The following COL27A1 variants were observed in gnomAD, a reference collection of about 807,000 sequenced individuals.
COL27A1 encodes collagen alpha-1(XXVII) chain.
COL27A1 carries 106 observed loss-of-function variants against 251.3 expected under a neutral mutation model. The observed-to-expected ratio is 0.42, with a 90% CI of 0.36 to 0.50. The LOEUF is 0.50. Among genes scored for constraint, COL27A1 ranks in the 20% least tolerant of loss-of-function variants. The pLI is 0.00. For synonymous variants in COL27A1, 1,000 were observed against 986.3 expected (o/e 1.01, Z -0.26); for missense variants, 2,325 against 2,522.8 (o/e 0.92, Z 1.68).
At chr9:114,154,820 T>C (rs146299631), upstream of COL27A1, among the ~76,000 whole-genome samples, 1,689 of 152,222 alleles carry the variant, frequency 0.011, 37 homozygotes, top group Admixed American at 0.047. This position sits in a 1 kb window ranked among gnomAD's most constrained non-coding sequence, Gnocchi z 5.8. Flanking sequence ...ACTTTGCTCG[T>C]GAACGAGTGG....
intron 49 of COL27A1, among the ~76,000 whole-genome samples, chr9:114,295,971 T>C (rs1828232532): frequency 6.6e-6 from 1 of 152,204 alleles, no homozygotes; most frequent in Non-Finnish European, 1.5e-5. Flanking sequence ...TTAACAAAAG[T>C]GCAAAGACGA....
At chr9:114,158,757 G>A (rs1466831369) in intron 1 of COL27A1, among the ~76,000 whole-genome samples, 1 of 152,210 alleles carries the variant, frequency 6.6e-6, no homozygotes, top group Admixed American at 6.5e-5. Flanking sequence ...TGACTTAGAT[G>A]GCTCGTTGGC....
At chr9:114,200,203 A>T (rs932328691) in intron 7 of COL27A1, among the ~76,000 whole-genome samples, 1 of 152,192 alleles carries the variant, frequency 6.6e-6, no homozygotes, top group East Asian at 1.9e-4. Flanking sequence ...GTTCCTCTCA[A>T]GAAACTTCTC....
Position 114,269,259 on chromosome 9 carries a change from G to A in COL27A1, c.3520G>A (p.Gly1174Ser). The change falls in exon 35 of 61, where the codon GGC becomes AGC. Residue 1174 changes from glycine to serine, a missense_variant. Around this residue, in one of 4 missense-constraint regions of COL27A1, gnomAD observed 662 missense variants for 795.3 expected, o/e 0.83. Coordinates refer to ENST00000356083, the MANE Select transcript of COL27A1 (RefSeq NM_032888.4). The stretch of plus-strand genomic sequence containing the variant: ...CTCCTAGGGTGACCTTGGACCCCTG[G>A]GCACTCCTGGGGAGCAGGGCCTCAT... ...AGMKGDLGPL[G>S]TPGEQGLIGQ... The A allele has an allele frequency of 6.2e-7, 1 of 1,605,892 alleles. No homozygotes were observed. The highest frequency in any genetic ancestry group is 8.5e-7 in the Non-Finnish European group (1 of 1,175,656).
intron 14 of COL27A1, among the ~76,000 whole-genome samples, chr9:114,230,429 C>A (rs1250233145): frequency 1.3e-5 from 2 of 152,148 alleles, no homozygotes; most frequent in Non-Finnish European, 2.9e-5. Context: ...AAACTGCACA[C>A]CCGCAAAGAG....
chr9:114,215,813 G>T (rs973290901), intron 12 of COL27A1, among the ~76,000 whole-genome samples: 1 of 152,166 alleles, frequency 6.6e-6, no homozygotes, highest in Non-Finnish European at 1.5e-5. Flanking sequence ...TGGCACATTA[G>T]AGTTGACCAG....
In COL27A1 at chr9:114,288,728, C is replaced by T. The variant is rs374362032; in HGVS notation, c.4071C>T (p.Arg1357=). The T allele has an allele frequency of 9.5e-5, 153 of 1,610,702 alleles. No individual in the cohort carries two copies. The highest frequency in any genetic ancestry group is 5.0e-5 in the Admixed American group (3 of 59,872). ...GCCCTGTGGGTGATCGAGGAGACCG[C>T]GGGGAACCGGGAGACCCTGGGTACC... ...DRGPVGDRGD[R]GEPGDPGYPG... is the part of the protein sequence containing the mutation. Residue 1357 remains arginine, a synonymous_variant, in exon 43 of 61, where the codon CGC becomes CGT. Coordinates refer to ENST00000356083, the MANE Select transcript of COL27A1 (RefSeq NM_032888.4).
At chr9:114,284,333 G>A (rs1836119676) in intron 40 of COL27A1, among the ~76,000 whole-genome samples, 1 of 152,246 alleles carries the variant, frequency 6.6e-6, no homozygotes, top group Admixed American at 6.5e-5. Context: ...GACAAGACCT[G>A]GAGGGGTGTT....
At chr9:114,269,200 G>A (rs1393024019) in intron 34 of COL27A1, 41 bp from the exon 35 acceptor site, 2 of 1,511,532 alleles carry the variant, frequency 1.3e-6, no homozygotes, top group Non-Finnish European at 9.0e-7. Context: ...GCTGGGGCTG[G>A]CCCTACCCAC....
In COL27A1 at chr9:114,169,125, C is replaced by G. The variant is rs1849124228; in HGVS notation, c.1570C>G (p.Pro524Ala). 5.0e-6 allele frequency: 8 copies of G among 1,614,162 alleles called. No individual in the cohort carries two copies. In the East Asian group the frequency reaches 1.8e-4, roughly 36 times the overall value. ...TSTPRTAPAV[P>A]TPGSAPTGSK... ...CACTCCCAGAACAGCACCTGCCGTC[C>G]CCACTCCTGGCTCAGCTCCCACTGG... The change falls in exon 3 of 61, where the codon CCC becomes GCC. Residue 524 changes from proline (P) to alanine (A), a missense_variant. Physicochemically the swap from Pro to Ala is conservative, Grantham distance 27 (BLOSUM62 -1). Coordinates refer to ENST00000356083, the MANE Select transcript of COL27A1 (RefSeq NM_032888.4).
chr9:114,193,104 A>G (rs1287129132), intron 5 of COL27A1, among the ~76,000 whole-genome samples: 1 of 152,178 alleles, frequency 6.6e-6, no homozygotes, highest in Non-Finnish European at 1.5e-5. Flanking sequence ...CTGAGGTCCC[A>G]CTGTGAGTCT....
At chr9:114,201,450 G>A (rs1012847474) in intron 7 of COL27A1, among the ~76,000 whole-genome samples, 3 of 152,146 alleles carry the variant, frequency 2.0e-5, no homozygotes, top group Admixed American at 1.3e-4. Flanking sequence ...ACCTCCCACC[G>A]CCTACCTCCC....
chr9:114,245,160 T>TGG (rs1273015758), intron 23 of COL27A1, among the ~76,000 whole-genome samples: 1 of 136,334 alleles, frequency 7.3e-6, no homozygotes, highest in Non-Finnish European at 1.6e-5. Context: ...TTTTTTTTTT[T>TGG]TTTTTTTTTT....
intron 12 of COL27A1, among the ~76,000 whole-genome samples, chr9:114,215,994 C>T (rs1830687024): frequency 1.3e-5 from 2 of 152,190 alleles, no homozygotes; most frequent in Non-Finnish European, 2.9e-5. Flanking sequence ...CTGGAGCACA[C>T]GGTTGGGGTG....
intron 39 of COL27A1, 92 bp downstream of exon 39, chr9:114,282,656 A>T: frequency 1.3e-6 from 1 of 777,436 alleles, no homozygotes; most frequent in Non-Finnish European, 2.0e-6. Context: ...CTGTGCTGTT[A>T]TCACCCACCC....
chr9:114,166,968 C>T (rs959840552), intron 2 of COL27A1, among the ~76,000 whole-genome samples: 1 of 152,144 alleles, frequency 6.6e-6, no homozygotes, highest in African/African-American at 2.4e-5. Flanking sequence ...CATCACCCTT[C>T]TGATAGCAGA....
At chr9:114,271,016 T>C (rs977734454) in intron 36 of COL27A1, 7 of 515,778 alleles carry the variant, frequency 1.4e-5, no homozygotes, top group Non-Finnish European at 2.4e-5. Flanking sequence ...TTCCAGTCTT[T>C]CCTGCTACCC....
intron 3 of COL27A1, among the ~76,000 whole-genome samples, 167 bp from the exon 4 acceptor site, chr9:114,178,124 C>T (rs1170578878): frequency 6.6e-6 from 1 of 152,210 alleles, no homozygotes; most frequent in African/African-American, 2.4e-5. Context: ...AGCCCAAAAG[C>T]CCCAAAGAGC....
intron 3 of COL27A1, among the ~76,000 whole-genome samples, chr9:114,173,520 C>G (rs1849471322): frequency 6.6e-6 from 1 of 150,926 alleles, no homozygotes; most frequent in Non-Finnish European, 1.5e-5. Flanking sequence ...GAACCATTCC[C>G]TTATTCAGCC....
Sources: allele counts gnomAD v4.1 joint callset (sites outside exome capture counted in the v4.1 genomes callset), GRCh38; gene constraint gnomAD v4.1.1; regional missense constraint gnomAD v4.1.1; non-coding constraint Gnocchi (gnomAD v3.1); transcripts MANE v1.5; gene names NCBI Gene and HGNC (gene_info 2026-07-23, HGNC 2026-07-21).